RTEL1: variants seen among roughly 807,000 people sequenced by gnomAD.
RTEL1 encodes regulator of telomere elongation helicase 1.
A neutral mutation model predicts 162.2 loss-of-function variants in RTEL1; 86 were observed. The ratio of observed to expected loss-of-function variants is 0.53; its 90% CI spans 0.45 to 0.63. RTEL1 has a LOEUF of 0.63. RTEL1 is among the 30% of genes least tolerant of loss of function. The pLI, the probability that RTEL1 is intolerant of heterozygous loss-of-function variation, is 0.00. For synonymous variants in RTEL1, 958 were observed against 717.9 expected, an observed-to-expected ratio of 1.33 and a Z score of -5.35; for missense variants, 1,941 against 1,750.2, an observed-to-expected ratio of 1.11 and a Z score of -1.95.
Position 63,661,033 on chromosome 20 carries a change from A to G in RTEL1, c.103-265A>G, listed in dbSNP as rs564990216. Among the ~76,000 whole-genome samples, 2 of 152,384 alleles carry G rather than the reference A, an allele frequency of 1.3e-5. No homozygotes were observed. Among genetic ancestry groups the G allele is most frequent in the Non-Finnish European group, 1.5e-5 (1 of 68,042 alleles). ...TTGACACCTAATTAGTCATCTTACT[A>G]TTTAAGCTGAAAAATAGTGTCGTGT... is the stretch of plus-strand genomic sequence containing the variant. On this transcript the variant is annotated intron_variant, in intron 2 of 34. Transcript: ENST00000360203. This position sits in a 1 kb window ranked among gnomAD's most constrained non-coding sequence, Gnocchi z 5.1.
chr20:63,674,539 C>T (rs976145560), intron 10 of RTEL1, among the ~76,000 whole-genome samples: 1 of 152,022 alleles, frequency 6.6e-6, no homozygotes, highest in Non-Finnish European at 1.5e-5. Context: ...GGAACCTCGC[C>T]CCTGCCAAAA....
At position 63,688,359 on chromosome 20, in the gene RTEL1, C is replaced by G. The variant is rs781633180; in HGVS notation, c.1695C>G (p.Val565=). 1.6e-5 allele frequency: 26 copies of G among 1,612,690 alleles called. No homozygotes were observed. The highest frequency in any genetic ancestry group is 2.2e-5 in the Non-Finnish European group (26 of 1,179,976). The change falls in exon 20 of 35, where the codon GTC becomes GTG. Residue 565 remains valine (V), a synonymous_variant. Transcript: ENST00000360203. ...GLLIFFPSYP[V]MEKSLEFWRA... is the part of the protein sequence containing the mutation. ...TGATCTTCTTCCCTTCCTATCCTGT[C>G]ATGGAGAAGAGCCTGGAGTTCTGGC... is the stretch of plus-strand genomic sequence containing the variant.
chr20:63,687,572 G>C lies in RTEL1; in HGVS notation c.1349-66G>C, dbSNP rs1047162190. ...GGGTGGAGAGGGTGATGGGCAGAGA[G>C]GCAGGTGGTCAGGCCCCCAGTCCCG... is the stretch of plus-strand genomic sequence containing the variant. On this transcript the variant is annotated intron_variant, in intron 16 of 34. Coordinates refer to ENST00000360203, the MANE Select transcript of RTEL1 (RefSeq NM_001283009.2). 2.0e-6 allele frequency: 3 copies of C among 1,493,514 alleles called. No homozygotes were observed. In the African/African-American group the frequency reaches 4.1e-5, roughly 21 times the overall value. The allele number at this position is 1,493,514 out of a possible 1,614,324, so 92.5% of individuals were successfully genotyped here.
chr20:63,678,669 G>A (rs184059713), intron 12 of RTEL1, among the ~76,000 whole-genome samples: 33 of 114,186 alleles, frequency 2.9e-4, no homozygotes, highest in African/African-American at 9.3e-4. Context: ...ACACACCCAC[G>A]GAACGGCACA....
Position 63,694,836 on chromosome 20 carries a change from A to C in RTEL1, c.3205A>C (p.Arg1069=). 2.5e-6 allele frequency: 4 copies of C among 1,612,552 alleles called. No individual in the cohort carries two copies. Among genetic ancestry groups the C allele is most frequent in the Non-Finnish European group, 3.4e-6 (4 of 1,179,834 alleles). ...GAGCGCCTACCTGGCTGATGCCCGC[A>C]GGGCCCTGGGGTCCGCGGGCTGTAG... The part of the protein sequence containing the change: ...AVSAYLADAR[R]ALGSAGCSQL... The change falls in exon 32 of 35, where the codon AGG becomes CGG. Residue 1069 remains arginine (R), a synonymous_variant. Coordinates refer to ENST00000360203, the MANE Select transcript of RTEL1 (RefSeq NM_001283009.2).
At chr20:63,662,390 T>A in intron 4 of RTEL1, 156 bp from the exon 5 acceptor site, 1 of 1,491,080 alleles carries the variant, frequency 6.7e-7, no homozygotes, top group Non-Finnish European at 9.1e-7. Context: ...CCCGCTCGTC[T>A]TCTAGCTCCC....
At chr20:63,679,010 A>G (rs1321182901) in intron 12 of RTEL1, among the ~76,000 whole-genome samples, 1 of 152,134 alleles carries the variant, frequency 6.6e-6, no homozygotes, top group African/African-American at 2.4e-5. Flanking sequence ...CCGTCATTTG[A>G]GCACAGGTGC....
At chr20:63,681,297 C>T (rs566302266) in intron 14 of RTEL1, 32 of 985,356 alleles carry the variant, frequency 3.2e-5, no homozygotes, top group South Asian at 9.4e-5. Context: ...GGTGCTTGTC[C>T]GGTTTGTGGA....
At chr20:63,684,493 A>T (rs1023898887) in intron 14 of RTEL1, among the ~76,000 whole-genome samples, 1 of 152,174 alleles carries the variant, frequency 6.6e-6, no homozygotes, top group Non-Finnish European at 1.5e-5. Context: ...ACCTGGGATT[A>T]TAGGCACCTG....
At chr20:63,682,087 C>G (rs766116725) in intron 14 of RTEL1, 1 of 985,312 alleles carries the variant, frequency 1.0e-6, no homozygotes, top group African/African-American at 1.7e-5. Context: ...TGAGCTGGCC[C>G]GGGCCTGTCC....
intron 7 of RTEL1, among the ~76,000 whole-genome samples, chr20:63,666,986 C>T (rs547948547): frequency 1.4e-3 from 211 of 152,068 alleles, no homozygotes; most frequent in African/African-American, 3.2e-3. Context: ...ACTACAGGTG[C>T]CCGCCACCAC....
At position 63,674,078 on chromosome 20, in the gene RTEL1, G is replaced by T. The variant is rs1445089963; in HGVS notation, c.904G>T (p.Asp302Tyr). 4 of 1,611,334 alleles carry T rather than the reference G, an allele frequency of 2.5e-6. No individual in the cohort carries two copies. Among genetic ancestry groups the T allele is most frequent in the Non-Finnish European group, 3.4e-6 (4 of 1,179,266 alleles). Residue 302 changes from aspartate to tyrosine, a missense_variant, in exon 10 of 35, where the codon GAC (aspartate) becomes TAC (tyrosine). Transcript: ENST00000360203. ...QGEPHPEFSA[D>Y]SPSPGLNMEL... ...TGAGCCCCACCCGGAGTTCAGCGCG[G>T]ACTCCCCCAGCCCAGGTGCGTTCAT... is the stretch of plus-strand genomic sequence containing the variant.
chr20:63,661,910 A>G lies in RTEL1; in HGVS notation c.362A>G (p.Gln121Arg). 2.5e-6 allele frequency: 4 copies of G among 1,613,934 alleles called. No homozygotes were observed. Among genetic ancestry groups the G allele is most frequent in the Non-Finnish European group, 3.4e-6 (4 of 1,179,982 alleles). ...YASRTHSQLT[Q>R]VINELRNTSY... is the part of the protein sequence containing the mutation. ...TCCAGGACCCACTCGCAACTCACAC[A>G]GGTCATCAACGAGCTTCGGAACACC... Residue 121 changes from glutamine (Q) to arginine (R), a missense_variant, in exon 4 of 35, where the codon CAG (glutamine) becomes CGG (arginine). Physicochemically the swap from Gln to Arg is conservative, Grantham distance 43. Coordinates refer to ENST00000360203, the MANE Select transcript of RTEL1 (RefSeq NM_001283009.2). The surrounding 1 kb of genome is among the most constrained non-coding windows in gnomAD (Gnocchi z 5.1).
At position 63,692,802 on chromosome 20, in the gene RTEL1, C is replaced by T. The variant is rs767768151; in HGVS notation, c.2653-3C>T. The stretch of plus-strand genomic sequence containing the variant: ...GATGGAGCCTCGGGCCTGTGTCCTG[C>T]AGGAGGAGCCCGTGGCTGGTGCACA... On this transcript the variant is annotated splice_polypyrimidine_tract_variant and splice_region_variant and intron_variant, in intron 28 of 34. Coordinates refer to ENST00000360203, the MANE Select transcript of RTEL1 (RefSeq NM_001283009.2). The T allele has an allele frequency of 6.8e-6, 11 of 1,609,288 alleles. No homozygotes were observed. Among genetic ancestry groups the T allele is most frequent in the Non-Finnish European group, 9.3e-6 (11 of 1,177,478 alleles).
chr20:63,690,387 A>G lies in RTEL1; in HGVS notation c.2359A>G (p.Arg787Gly). The change falls in exon 26 of 35, where the codon AGG (arginine) becomes GGG (glycine). Residue 787 changes from arginine (R) to glycine (G), a missense_variant. By Grantham distance (125) the Arg-to-Gly change is moderately radical. Coordinates refer to ENST00000360203, the MANE Select transcript of RTEL1 (RefSeq NM_001283009.2). ...GTCGCCTGGCCCCTTCTTCTCCACCAGGAAAGCTAAGAGTCTGGACCTGCA... is the reference window on the plus strand; with the variant it reads ...GTCGCCTGGCCCCTTCTTCTCCACCGGGAAAGCTAAGAGTCTGGACCTGCA... ...AKSPGPFFST[R>G]KAKSLDLHVP... is the part of the protein sequence containing the mutation. The G allele has an allele frequency of 1.2e-6, 2 of 1,607,900 alleles. No homozygotes were observed. Among genetic ancestry groups the G allele is most frequent in the Non-Finnish European group, 1.7e-6 (2 of 1,176,986 alleles).
chr20:63,667,627 G>A, intron 8 of RTEL1, 74 bp downstream of exon 8: 1 of 1,220,816 alleles, frequency 8.2e-7, no homozygotes, highest in Non-Finnish European at 1.2e-6. Flanking sequence ...AGCTGTCCGA[G>A]CCTTTGCTGC....
At chr20:63,663,398 G>A (rs1240907545) in intron 6 of RTEL1, among the ~76,000 whole-genome samples, 2 of 152,210 alleles carry the variant, frequency 1.3e-5, no homozygotes, top group African/African-American at 4.8e-5. Context: ...GTGACTCCAG[G>A]CTGAGTCCTG....
intron 9 of RTEL1, among the ~76,000 whole-genome samples, 169 bp downstream of exon 9, chr20:63,672,790 G>A (rs1217438071): frequency 2.0e-5 from 3 of 152,222 alleles, no homozygotes; most frequent in Admixed American, 2.0e-4. Context: ...GCCCTGATCC[G>A]ATGCCTCTGC....
chr20:63,694,372 G>C lies in RTEL1; in HGVS notation c.2993G>C (p.Gly998Ala), dbSNP rs750912944. 5.0e-6 allele frequency: 8 copies of C among 1,611,966 alleles called. No homozygotes were observed. Among genetic ancestry groups the C allele is most frequent in the African/African-American group, 1.3e-5 (1 of 74,888 alleles). Residue 998 changes from glycine to alanine, a missense_variant and splice_region_variant, in exon 31 of 35, where the codon GGA (glycine) becomes GCA (alanine). Coordinates refer to ENST00000360203, the MANE Select transcript of RTEL1 (RefSeq NM_001283009.2). ...QRAQPVLDPT[G>A]RTAPDPKLTV... ...TTGTGGCTCTACATCTCTTCATCAGGAAGAACGGCGCCGGATCCCAAGCTG... is the reference window on the plus strand; with the variant it reads ...TTGTGGCTCTACATCTCTTCATCAGCAAGAACGGCGCCGGATCCCAAGCTG...
Sources: allele counts gnomAD v4.1 joint callset (sites outside exome capture counted in the v4.1 genomes callset), GRCh38; gene constraint gnomAD v4.1.1; non-coding constraint Gnocchi (gnomAD v3.1); transcripts MANE v1.5; gene names NCBI Gene and HGNC (gene_info 2026-07-23, HGNC 2026-07-21).